ZC3H12B: variants seen among roughly 807,000 people sequenced by gnomAD.
ZC3H12B encodes the protein zinc finger CCCH-type containing 12B.
A neutral mutation model predicts 43.9 loss-of-function variants in ZC3H12B; 7 were observed. The ratio of observed to expected loss-of-function variants is 0.16; its 90% CI spans 0.09 to 0.30. The LOEUF (loss-of-function observed/expected upper bound fraction) is 0.30, where lower values mean the gene tolerates loss of function less well. ZC3H12B is among the 10% of genes least tolerant of loss of function. ZC3H12B has a pLI of 1.00. For synonymous variants in ZC3H12B, 222 were observed against 241.7 expected (o/e 0.92, Z 0.76); for missense variants, 475 against 670.2 (o/e 0.71, Z 3.22).
the ZC3H12B span, among the ~76,000 whole-genome samples, chrX:65,119,774 T>C: frequency 8.0e-5 from 9 of 112,005 alleles, no homozygotes; most frequent in African/African-American, 2.6e-4. Flanking sequence ...ATTTTTATGG[T>C]TTTAGGTCTA....
At chrX:65,105,422 TAAAA>T in the ZC3H12B span, among the ~76,000 whole-genome samples, 5 of 110,899 alleles carry the variant, frequency 4.5e-5, no homozygotes, top group Middle Eastern at 9.3e-3. Flanking sequence ...AAGTAAAATT[TAAAA>T]AAAGAATACA....
At chrX:65,206,195 G>A in the ZC3H12B span, among the ~76,000 whole-genome samples, 2 of 111,679 alleles carry the variant, frequency 1.8e-5, no homozygotes, top group South Asian at 3.7e-4. Context: ...AAAAGAACCC[G>A]CATAGCCAAA....
the ZC3H12B span, among the ~76,000 whole-genome samples, chrX:65,179,062 G>T: frequency 1.8e-5 from 2 of 111,850 alleles, no homozygotes; most frequent in Non-Finnish European, 3.8e-5. Context: ...TATACACCAT[G>T]GAATACTATG....
the ZC3H12B span, among the ~76,000 whole-genome samples, chrX:65,337,927 G>A: frequency 2.7e-5 from 3 of 112,108 alleles, no homozygotes; most frequent in African/African-American, 9.7e-5. Flanking sequence ...CATTACTTGT[G>A]AGATGGGTCT....
Position 65,376,927 on chromosome X carries a change from C to T in ZC3H12B, n.295+7929C>T, listed in dbSNP as rs1321308720. ...CATGACTCCACCAAACTAAATAAGG[C>T]ACCAGGAGCCAGTCCAAGAGAAACA... On this transcript the variant is annotated intron_variant and non_coding_transcript_variant, in intron 2 of 5. Coordinates refer to the ZC3H12B transcript ENST00000617377. Among the ~76,000 whole-genome samples the T allele has an allele frequency of 2.7e-5, 3 of 110,848 alleles. No individual in the cohort carries two copies. The Admixed American group carries it at 2.9e-4, about 11-fold the overall frequency.
chrX:65,349,577 C>G, the ZC3H12B span, among the ~76,000 whole-genome samples: 1 of 111,311 alleles, frequency 9.0e-6, no homozygotes, highest in African/African-American at 3.3e-5. Flanking sequence ...AATCCAGGAG[C>G]TGTTTTTTGA....
chrX:65,382,596 T>C (rs1235540795), intron 2 of ZC3H12B, among the ~76,000 whole-genome samples: 1 of 111,510 alleles, frequency 9.0e-6, no homozygotes, highest in Admixed American at 9.6e-5. Context: ...TTGGAAGTTC[T>C]GGCTAGGGCA....
intron 2 of ZC3H12B, among the ~76,000 whole-genome samples, chrX:65,374,738 G>A (rs772323323): frequency 1.4e-4 from 15 of 111,087 alleles, no homozygotes; most frequent in South Asian, 1.2e-3. Context: ...TGCAGGGCTC[G>A]GGAGGTCACA....
the ZC3H12B span, among the ~76,000 whole-genome samples, chrX:65,256,331 CA>C: frequency 9.0e-6 from 1 of 111,255 alleles, no homozygotes; most frequent in Admixed American, 9.5e-5. Flanking sequence ...GTAATTATAC[CA>C]AACACATTCC....
chrX:65,179,155 C>T, the ZC3H12B span, among the ~76,000 whole-genome samples: 1 of 109,419 alleles, frequency 9.1e-6, no homozygotes. Flanking sequence ...ACTAACACAG[C>T]AACAAAAAAC....
the ZC3H12B span, among the ~76,000 whole-genome samples, chrX:65,100,583 A>C: frequency 9.8e-6 from 1 of 102,376 alleles, no homozygotes; most frequent in Non-Finnish European, 2.0e-5. Flanking sequence ...AAAAAAAAAA[A>C]AAAAAAAAAA....
At chrX:65,459,528 C>T (rs1203297130) in intron 3 of ZC3H12B, among the ~76,000 whole-genome samples, 1 of 111,648 alleles carries the variant, frequency 9.0e-6, no homozygotes, top group South Asian at 3.8e-4. Context: ...TGGGCTTCAT[C>T]CCTGGGATGC....
the ZC3H12B span, among the ~76,000 whole-genome samples, chrX:65,347,530 A>T: frequency 1.8e-5 from 2 of 112,321 alleles, no homozygotes; most frequent in Non-Finnish European, 3.8e-5. Flanking sequence ...TCAAAACCAC[A>T]ATGAGATACC....
chrX:65,070,924 G>A, the ZC3H12B span, among the ~76,000 whole-genome samples: 1 of 103,789 alleles, frequency 9.6e-6, no homozygotes, highest in Admixed American at 1.1e-4. Flanking sequence ...TGTATACTCT[G>A]TTGTCTTTTG....
At chrX:65,129,371 G>T in the ZC3H12B span, among the ~76,000 whole-genome samples, 1 of 109,293 alleles carries the variant, frequency 9.1e-6, no homozygotes, top group Non-Finnish European at 1.9e-5. Flanking sequence ...TATTTCACCT[G>T]GGTGCAGGTG....
the ZC3H12B span, among the ~76,000 whole-genome samples, chrX:65,188,305 T>G: frequency 9.0e-6 from 1 of 111,027 alleles, no homozygotes; most frequent in Non-Finnish European, 1.9e-5. Flanking sequence ...ACTGATTTCC[T>G]TTCTTTGGTC....
chrX:65,163,105 G>C, the ZC3H12B span, among the ~76,000 whole-genome samples: 3 of 111,035 alleles, frequency 2.7e-5, no homozygotes, highest in Non-Finnish European at 5.7e-5. Context: ...CGTGAATGCT[G>C]CTGTCTGATC....
At chrX:65,181,327 T>C in the ZC3H12B span, among the ~76,000 whole-genome samples, 1 of 111,390 alleles carries the variant, frequency 9.0e-6, no homozygotes, top group East Asian at 2.8e-4. Flanking sequence ...GCAATACCAT[T>C]CAGGACATAA....
the ZC3H12B span, among the ~76,000 whole-genome samples, chrX:65,232,430 AAGTC>A: frequency 9.0e-6 from 1 of 111,234 alleles, no homozygotes; most frequent in African/African-American, 3.3e-5. Context: ...AAAGAACAAA[AAGTC>A]AGAAGGTGGT....
Sources: gnomAD v4.1 joint callset for allele counts (sites outside exome capture counted in the v4.1 genomes callset) on GRCh38, gnomAD v4.1.1 for gene constraint, MANE v1.5 for transcripts, NCBI Gene and HGNC (gene_info 2026-07-23, HGNC 2026-07-21) for gene names.